TCF20: variants seen among roughly 807,000 people sequenced by gnomAD.
TCF20 encodes SPRE-binding protein.
Under a neutral mutation model 148.6 loss-of-function variants are expected in TCF20, and 3 were observed. That is an observed-to-expected ratio of 0.02 (90% CI 0.01 to 0.05). The LOEUF is 0.05. Ranked by LOEUF, TCF20 falls within the 10% of genes least tolerant of loss-of-function variation. TCF20 has a pLI of 1.00. For synonymous variants in TCF20, 1,049 were observed against 909.5 expected (o/e 1.15, Z -2.76); for missense variants, 2,350 against 2,429.3 (o/e 0.97, Z 0.69).
At chr22:42,289,160 A>G (rs572350283) in intron 1 of TCF20, among the ~76,000 whole-genome samples, 11 of 152,324 alleles carry the variant, frequency 7.2e-5, no homozygotes, top group African/African-American at 2.6e-4. Flanking sequence ...GCCCTAAGTT[A>G]GACTACAAAA....
At chr22:42,194,207 G>A (rs1937480923) in intron 2 of TCF20, among the ~76,000 whole-genome samples, 1 of 152,170 alleles carries the variant, frequency 6.6e-6, no homozygotes, top group African/African-American at 2.4e-5. Flanking sequence ...ATCTTCTGGA[G>A]CTGAGCAACA....
upstream of TCF20, chr22:42,274,991 G>C (rs1469643683): frequency 1.3e-5 from 2 of 152,146 alleles, no homozygotes; most frequent in Non-Finnish European, 2.9e-5. Flanking sequence ...TTTACAGATG[G>C]GGCCACTGAG....
At chr22:42,229,143 G>A (rs1923171657) in intron 1 of TCF20, among the ~76,000 whole-genome samples, 1 of 152,116 alleles carries the variant, frequency 6.6e-6, no homozygotes, top group African/African-American at 2.4e-5. Context: ...AAGTAGGAAG[G>A]AGGAAAGGCA....
rs1921315787 is a variant in TCF20 at position 42,213,715 on chromosome 22, C to T, written c.1591G>A (p.Gly531Ser). 1 of 1,614,058 alleles carries T rather than the reference C, an allele frequency of 6.2e-7. No homozygotes were observed. Among genetic ancestry groups the T allele is most frequent in the South Asian group, 1.1e-5 (1 of 91,088 alleles). ...CCACTTAGTTGCCGCACTCTCTCGC[C>T]TTGATCCTCTGAACTGCTGGAGCAG... Reference protein sequence around the residue: ...GGCSSSSEDQGERVRQLSGQS... With the variant: ...GGCSSSSEDQSERVRQLSGQS... Residue 531 changes from glycine to serine, a missense_variant, in exon 2 of 6, where the codon GGC becomes AGC. By Grantham distance (56) the Gly-to-Ser change is moderately conservative. Coordinates refer to ENST00000677622, the MANE Select transcript of TCF20 (RefSeq NM_001378418.1).
chr22:42,325,221 C>A (rs1163259889), intron 1 of TCF20, among the ~76,000 whole-genome samples: 1 of 152,256 alleles, frequency 6.6e-6, no homozygotes, highest in Non-Finnish European at 1.5e-5. Flanking sequence ...GCTGGAGCCA[C>A]CACCTCTGTG....
At chr22:42,286,795 C>G (rs566337835), upstream of TCF20, among the ~76,000 whole-genome samples, 1 of 152,326 alleles carries the variant, frequency 6.6e-6, no homozygotes, top group Admixed American at 6.5e-5. Context: ...TAATTTCAGA[C>G]AAGGAGTACA....
chr22:42,260,307 A>G (rs927842197), intron 1 of TCF20, among the ~76,000 whole-genome samples: 1 of 152,208 alleles, frequency 6.6e-6, no homozygotes, highest in East Asian at 1.9e-4. Context: ...CAAAGGTTAG[A>G]TATGACCCTG....
upstream of TCF20, among the ~76,000 whole-genome samples, chr22:42,271,555 A>C (rs1473524329): frequency 6.6e-6 from 1 of 152,230 alleles, no homozygotes; most frequent in Admixed American, 6.5e-5. Flanking sequence ...ACGGCCATCA[A>C]AAGTGACAAG....
At chr22:42,323,959 GTGGTGGTGA>G (rs1927801111) in intron 1 of TCF20, among the ~76,000 whole-genome samples, 1 of 124,030 alleles carries the variant, frequency 8.1e-6, no homozygotes. Flanking sequence ...GGTTATGGTG[GTGGTGGTGA>G]TGGTGGTGGT....
At chr22:42,174,787 GCACTT>G (rs1936338033) in intron 3 of TCF20, among the ~76,000 whole-genome samples, 1 of 151,700 alleles carries the variant, frequency 6.6e-6, no homozygotes, top group Non-Finnish European at 1.5e-5. Context: ...TGTAATCCCA[GCACTT>G]TGGGGGGCCA....
chr22:42,276,324 T>TC (rs962139074), intron 1 of TCF20: 3 of 152,122 alleles, frequency 2.0e-5, no homozygotes, highest in Non-Finnish European at 4.4e-5. Flanking sequence ...ACCTTAACCT[T>TC]CACAACACCA....
At chr22:42,238,840 G>A (rs1372959826) in intron 1 of TCF20, among the ~76,000 whole-genome samples, 14 of 152,174 alleles carry the variant, frequency 9.2e-5, no homozygotes, top group East Asian at 7.7e-4. Context: ...ACATCAGGCC[G>A]GGCGCGGTGG....
chr22:42,187,693 TATG>T (rs1224357804), intron 2 of TCF20, among the ~76,000 whole-genome samples: 5 of 152,246 alleles, frequency 3.3e-5, no homozygotes, highest in Non-Finnish European at 7.3e-5. Context: ...ATAGTAAAGT[TATG>T]ATGTTTTCCA....
chr22:42,226,821 T>C (rs1357563396), intron 1 of TCF20, among the ~76,000 whole-genome samples: 1 of 152,112 alleles, frequency 6.6e-6, no homozygotes. Context: ...AATTAGAGAC[T>C]TCACTGAACA....
chr22:42,269,670 G>C (rs548855427), intron 1 of TCF20: 1 of 152,444 alleles, frequency 6.6e-6, no homozygotes, highest in African/African-American at 2.4e-5. Flanking sequence ...TGTTCCCCGC[G>C]GCGCGGGAGG....
At chr22:42,187,554 G>A (rs1312021756) in intron 2 of TCF20, among the ~76,000 whole-genome samples, 2 of 152,174 alleles carry the variant, frequency 1.3e-5, no homozygotes, top group African/African-American at 4.8e-5. Context: ...TCTCTTGAGT[G>A]TGGCCGTTTT....
chr22:42,250,060 G>A (rs1925236465), intron 1 of TCF20, among the ~76,000 whole-genome samples: 1 of 152,058 alleles, frequency 6.6e-6, no homozygotes, highest in Non-Finnish European at 1.5e-5. Context: ...GGAGTTTGAG[G>A]CTGAAGTGCA....
intron 1 of TCF20, among the ~76,000 whole-genome samples, chr22:42,231,617 GT>G (rs1484558118): frequency 6.6e-6 from 1 of 152,166 alleles, no homozygotes; most frequent in Non-Finnish European, 1.5e-5. Flanking sequence ...AATTTTTAAA[GT>G]TTTTAAAGTA....
At chr22:42,324,808 G>A (rs1278498044) in intron 1 of TCF20, among the ~76,000 whole-genome samples, 2 of 152,190 alleles carry the variant, frequency 1.3e-5, no homozygotes, top group Non-Finnish European at 2.9e-5. Context: ...ACTGTCTCAT[G>A]CAATCTCCCA....
Sources: gnomAD v4.1 joint callset for allele counts (sites outside exome capture counted in the v4.1 genomes callset) on GRCh38, gnomAD v4.1.1 for gene constraint, MANE v1.5 for transcripts, NCBI Gene and HGNC (gene_info 2026-07-23, HGNC 2026-07-21) for gene names.